The following ACACA variants were observed in gnomAD, a reference collection of about 807,000 sequenced individuals.
The protein encoded by ACACA is acetyl-CoA carboxylase 1.
A neutral mutation model predicts 296.1 loss-of-function variants in ACACA; 103 were observed. That is an observed-to-expected ratio of 0.35 (90% CI 0.30 to 0.41). The LOEUF (loss-of-function observed/expected upper bound fraction) is 0.41, where lower values mean the gene tolerates loss of function less well. Among genes scored for constraint, ACACA ranks in the 10% least tolerant of loss-of-function variants. The probability of loss-of-function intolerance (pLI) is 1.00; values close to 1 mark genes in which losing one functional copy is unlikely to be tolerated. For synonymous variants in ACACA, 953 were observed against 1,038.6 expected (o/e 0.92, Z 1.58); for missense variants, 1,554 against 2,989.7 (o/e 0.52, Z 11.20).
chr17:37,100,057 T>C (rs867400385), intron 52 of ACACA, among the ~76,000 whole-genome samples: 2 of 152,110 alleles, frequency 1.3e-5, no homozygotes, highest in African/African-American at 2.4e-5. Context: ...CACCCTCATA[T>C]AAGTAATTAA....
chr17:37,096,679 G>C (rs1013032264), intron 54 of ACACA, among the ~76,000 whole-genome samples: 1 of 152,188 alleles, frequency 6.6e-6, no homozygotes, highest in Non-Finnish European at 1.5e-5. Flanking sequence ...TGAGCTCTAT[G>C]TGGATAGGAA....
At chr17:37,267,293 T>C (rs1342701784) in intron 10 of ACACA, among the ~76,000 whole-genome samples, 1 of 152,180 alleles carries the variant, frequency 6.6e-6, no homozygotes, top group East Asian at 1.9e-4. Flanking sequence ...TATGGTCTCA[T>C]TTACATGTCT....
intron 1 of ACACA, among the ~76,000 whole-genome samples, chr17:37,381,896 G>C (rs1345135744): frequency 6.6e-6 from 1 of 151,964 alleles, no homozygotes. Context: ...CAAAGTGCTG[G>C]GATTACAGGC....
At chr17:37,210,376 G>C in intron 30 of ACACA, 91 bp downstream of exon 30, 3 of 1,183,446 alleles carry the variant, frequency 2.5e-6, no homozygotes, top group Non-Finnish European at 2.5e-6. Context: ...ACATTATCTT[G>C]TCAAGTGTTG....
At position 37,329,240 on chromosome 17, in the gene ACACA, A is replaced by C. The variant is rs28718742; in HGVS notation, c.338+933T>G. Among the ~76,000 whole-genome samples, 1,458 of 152,330 alleles carry C rather than the reference A, an allele frequency of 9.6e-3. 21 individuals are homozygous for C. Among genetic ancestry groups the C allele is most frequent in the African/African-American group, 0.033 (1,388 of 41,570 alleles). On this transcript the variant is annotated intron_variant, in intron 3 of 55. Coordinates refer to ENST00000616317, the MANE Select transcript of ACACA (RefSeq NM_198834.3). ...CTACGAAGTTGACAACACCTGGAGA[A>C]GTCCTATCAATCATCAAGATAGTTA... is the stretch of plus-strand genomic sequence containing the variant.
chr17:37,389,454 T>C, intron 1 of ACACA: 1 of 1,472,244 alleles, frequency 6.8e-7, no homozygotes, highest in East Asian at 2.5e-5. Context: ...CCCAGCACTT[T>C]GAGAGGCTGA....
At chr17:37,392,992 A>G (rs1164437802) in intron 1 of ACACA, among the ~76,000 whole-genome samples, 2 of 151,914 alleles carry the variant, frequency 1.3e-5, no homozygotes, top group Non-Finnish European at 2.9e-5. Flanking sequence ...ACATACAAAA[A>G]TTAGCCGGGC....
At chr17:37,171,127 T>C (rs868061539) in intron 41 of ACACA, among the ~76,000 whole-genome samples, 27 of 152,334 alleles carry the variant, frequency 1.8e-4, no homozygotes, top group African/African-American at 6.5e-4. Flanking sequence ...ATTCGTTATA[T>C]TCATGCTAAA....
intron 10 of ACACA, among the ~76,000 whole-genome samples, chr17:37,269,299 T>A (rs1412889952): frequency 6.6e-6 from 1 of 152,166 alleles, no homozygotes; most frequent in Non-Finnish European, 1.5e-5. Context: ...TCACTTCCTT[T>A]ATCTAGTACA....
intron 1 of ACACA, among the ~76,000 whole-genome samples, chr17:37,344,498 C>A (rs1262356666): frequency 1.3e-5 from 2 of 152,026 alleles, no homozygotes; most frequent in Non-Finnish European, 2.9e-5. Flanking sequence ...GCAGAGGCTG[C>A]AATGAGCTGA....
At chr17:37,365,716 A>T in intron 1 of ACACA, 1 of 985,440 alleles carries the variant, frequency 1.0e-6, no homozygotes, top group Non-Finnish European at 1.2e-6. Context: ...AAGGTCAGAA[A>T]ATCTCCTCAG....
At chr17:37,217,260 C>CAAA (rs34419580) in intron 29 of ACACA, among the ~76,000 whole-genome samples, 39 of 42,462 alleles carry the variant, frequency 9.2e-4, no homozygotes, top group South Asian at 3.9e-3. Flanking sequence ...AACTCTATCT[C>CAAA]AAAAAAAAAA....
intron 35 of ACACA, among the ~76,000 whole-genome samples, chr17:37,197,511 C>T (rs1379346283): frequency 1.3e-5 from 2 of 152,160 alleles, no homozygotes; most frequent in Admixed American, 6.6e-5. Context: ...AGGGATTCAT[C>T]TCTGACACTC....
chr17:37,193,437 A>G, intron 35 of ACACA, 22 bp from the exon 36 acceptor site: 1 of 1,576,856 alleles, frequency 6.3e-7, no homozygotes, highest in Non-Finnish European at 8.7e-7. Flanking sequence ...AAGGGGGAAA[A>G]ATGTGTCAGT....
chr17:37,291,137 A>AACACACACAC (rs1487554527), intron 3 of ACACA, among the ~76,000 whole-genome samples: 25 of 81,194 alleles, frequency 3.1e-4, no homozygotes, highest in African/African-American at 1.8e-3. Context: ...GCTGATGAAA[A>AACACACACAC]ACACATACAC....
intron 45 of ACACA, among the ~76,000 whole-genome samples, chr17:37,146,956 T>G (rs2075837906): frequency 6.6e-6 from 1 of 152,032 alleles, no homozygotes; most frequent in Non-Finnish European, 1.5e-5. Flanking sequence ...CTCCTGGCTT[T>G]TGATGTGCTG....
chr17:37,101,893 G>A (rs190221350), intron 52 of ACACA, among the ~76,000 whole-genome samples: 41 of 152,196 alleles, frequency 2.7e-4, no homozygotes, highest in South Asian at 8.3e-4. Context: ...ATGGCTAAAC[G>A]CACATATACA....
In ACACA at chr17:37,086,063, A is replaced by G. The variant is rs140469577; in HGVS notation, c.*1253T>C. The G allele has an allele frequency of 5.4e-6, 2 of 367,100 alleles. No homozygotes were observed. The highest frequency in any genetic ancestry group is 4.2e-5 in the African/African-American group (2 of 48,052). 22.7% of individuals were successfully genotyped at this position (367,100 alleles called of 1,614,324 possible). A position where few individuals can be genotyped will look rare whatever the true frequency, so the allele number is the denominator to read the frequency against. ...CCCCTGATGCCAGTCAGGAGGGGCC[A>G]GTAAGCCTGGAGGACAGCAGCACCA... On this transcript the variant is annotated 3_prime_UTR_variant, in exon 56 of 56. Coordinates refer to ENST00000616317, the MANE Select transcript of ACACA (RefSeq NM_198834.3).
At chr17:37,332,627 T>C (rs1256373919) in intron 2 of ACACA, among the ~76,000 whole-genome samples, 1 of 145,958 alleles carries the variant, frequency 6.9e-6, no homozygotes, top group African/African-American at 2.5e-5. Context: ...AAAAAAAAGA[T>C]TGGCCGGACG....
Sources: allele counts gnomAD v4.1 joint callset (sites outside exome capture counted in the v4.1 genomes callset), GRCh38; gene constraint gnomAD v4.1.1; transcripts MANE v1.5; gene names NCBI Gene and HGNC (gene_info 2026-07-23, HGNC 2026-07-21).